The following PTPRG variants were observed in gnomAD, a reference collection of about 807,000 sequenced individuals.
The protein encoded by PTPRG is protein tyrosine phosphatase receptor type G.
In PTPRG, 102 loss-of-function variants were observed where a neutral mutation model predicts 165.3. The ratio of observed to expected loss-of-function variants is 0.62; its 90% CI spans 0.53 to 0.73. The LOEUF (loss-of-function observed/expected upper bound fraction) is 0.73, where lower values mean the gene tolerates loss of function less well. Ranked by LOEUF, PTPRG falls within the 30% of genes least tolerant of loss-of-function variation. The pLI is 0.00. For synonymous variants in PTPRG, 675 were observed against 669.5 expected (o/e 1.01, Z -0.13); for missense variants, 1,866 against 1,861.4 (o/e 1.00, Z -0.05).
rs957469494 is a variant in PTPRG, at chr3:61,653,238, A to T, written c.85+90866A>T. Among the ~76,000 whole-genome samples, 3 of 152,212 alleles carry T rather than the reference A, an allele frequency of 2.0e-5. No individual in the cohort carries two copies. The South Asian group carries it at 6.2e-4, about 32-fold the overall frequency. On this transcript the variant is annotated intron_variant, in intron 1 of 29. Coordinates refer to ENST00000474889, the MANE Select transcript of PTPRG (RefSeq NM_002841.4). ...TATTGTACATATAGGGTTAGTCAAG[A>T]CATCCTGTCTGTGACTGATGTTATG...
At chr3:61,668,599 CAG>C (rs1415090831) in intron 1 of PTPRG, among the ~76,000 whole-genome samples, 1 of 152,094 alleles carries the variant, frequency 6.6e-6, no homozygotes, top group Non-Finnish European at 1.5e-5. Flanking sequence ...TTTGTTAAAT[CAG>C]AAATTATGCA....
chr3:61,662,996 A>C (rs1702708902), intron 1 of PTPRG, among the ~76,000 whole-genome samples: 1 of 152,122 alleles, frequency 6.6e-6, no homozygotes, highest in Non-Finnish European at 1.5e-5. Context: ...ACCATTGAAA[A>C]GAGCAGGCCA....
intron 1 of PTPRG, chr3:61,659,481 A>G: frequency 3.1e-6 from 3 of 978,474 alleles, no homozygotes; most frequent in Non-Finnish European, 2.4e-6. Context: ...CAGGAAGGAG[A>G]GTCAGAAGAG....
chr3:61,709,180 G>T (rs1055475827), intron 1 of PTPRG, among the ~76,000 whole-genome samples: 1 of 152,194 alleles, frequency 6.6e-6, no homozygotes, highest in African/African-American at 2.4e-5. Flanking sequence ...TGCCTACTGG[G>T]GATACAGCTG....
At chr3:61,738,454 TAGG>T (rs2032847868) in intron 1 of PTPRG, among the ~76,000 whole-genome samples, 1 of 151,290 alleles carries the variant, frequency 6.6e-6, no homozygotes, top group South Asian at 2.1e-4. Flanking sequence ...ATACCAAAGT[TAGG>T]TGACATAGTT....
At chr3:61,755,403 C>T (rs941787543) in intron 2 of PTPRG, among the ~76,000 whole-genome samples, 5 of 152,218 alleles carry the variant, frequency 3.3e-5, no homozygotes, top group African/African-American at 1.2e-4. Flanking sequence ...GCTCCCTGTG[C>T]CTTGGTGCTT....
intron 2 of PTPRG, among the ~76,000 whole-genome samples, chr3:61,845,864 T>C (rs938514462): frequency 6.8e-6 from 1 of 147,020 alleles, no homozygotes; most frequent in African/African-American, 2.5e-5. Flanking sequence ...TCCTATTCTT[T>C]TGTGTTTTTA....
intron 2 of PTPRG, among the ~76,000 whole-genome samples, chr3:61,902,585 T>C (rs1022109771): frequency 6.6e-6 from 1 of 152,148 alleles, no homozygotes; most frequent in Non-Finnish European, 1.5e-5. Flanking sequence ...ATTTCAGAGA[T>C]AAAAGATGTA....
At chr3:61,973,473 T>C (rs1003067649) in intron 2 of PTPRG, among the ~76,000 whole-genome samples, 4 of 152,176 alleles carry the variant, frequency 2.6e-5, no homozygotes, top group African/African-American at 9.7e-5. Context: ...GGATCTTAAC[T>C]TCAGTTTCCT....
At chr3:61,886,318 A>G (rs1418720278) in intron 2 of PTPRG, among the ~76,000 whole-genome samples, 1 of 152,106 alleles carries the variant, frequency 6.6e-6, no homozygotes, top group Admixed American at 6.6e-5. Flanking sequence ...TTGAGGAGAC[A>G]CACAAAAGTA....
At chr3:61,648,617 A>ATTC in intron 1 of PTPRG, among the ~76,000 whole-genome samples, 2 of 152,208 alleles carry the variant, frequency 1.3e-5, no homozygotes, top group African/African-American at 4.8e-5. Flanking sequence ...CACCAAGGGA[A>ATTC]CGTCTAATGC....
intron 2 of PTPRG, among the ~76,000 whole-genome samples, chr3:61,900,878 G>C (rs559079029): frequency 6.6e-6 from 1 of 152,254 alleles, no homozygotes; most frequent in South Asian, 2.1e-4. Flanking sequence ...TCCCGCTGTG[G>C]TTTTAGGCAA....
At chr3:61,882,036 C>G (rs968392726) in intron 2 of PTPRG, among the ~76,000 whole-genome samples, 1 of 152,150 alleles carries the variant, frequency 6.6e-6, no homozygotes, top group Admixed American at 6.6e-5. Flanking sequence ...GAAGGGAGTT[C>G]TACATTTGAT....
chr3:61,781,789 G>A (rs1044656112), intron 2 of PTPRG, among the ~76,000 whole-genome samples: 8 of 151,638 alleles, frequency 5.3e-5, no homozygotes, highest in Non-Finnish European at 1.0e-4. Context: ...GTGCAGTGGC[G>A]AGATCATAGC....
chr3:61,878,704 A>T (rs1247186794), intron 2 of PTPRG, among the ~76,000 whole-genome samples: 1 of 151,858 alleles, frequency 6.6e-6, no homozygotes, highest in Non-Finnish European at 1.5e-5. Flanking sequence ...AGGTCTTACT[A>T]TGTTGCCCGG....
chr3:61,718,309 T>G (rs549784697), intron 1 of PTPRG, among the ~76,000 whole-genome samples: 1 of 152,300 alleles, frequency 6.6e-6, no homozygotes, highest in African/African-American at 2.4e-5. Context: ...TGCTTTAGTT[T>G]TAAAAATTCA....
intron 2 of PTPRG, among the ~76,000 whole-genome samples, chr3:61,920,864 A>C (rs2039060919): frequency 6.6e-6 from 1 of 152,206 alleles, no homozygotes; most frequent in South Asian, 2.1e-4. Context: ...GGAAATACTT[A>C]AAAAATTTAA....
Position 62,273,097 on chromosome 3 carries a change from C to G in PTPRG, c.3318+16C>G. On this transcript the variant is annotated intron_variant, in intron 22 of 29. Coordinates refer to ENST00000474889, the MANE Select transcript of PTPRG (RefSeq NM_002841.4). This position sits in a 1 kb window ranked among gnomAD's most constrained non-coding sequence, Gnocchi z 4.1. ...CCAGACTGAGGTAAGGAGTAGCTGC[C>G]AGCGTCCTCACGACATTCTGGCAAA... The G allele has an allele frequency of 6.3e-7, 1 of 1,595,376 alleles. No individual in the cohort carries two copies. Among genetic ancestry groups the G allele is most frequent in the East Asian group, 2.2e-5 (1 of 44,634 alleles).
chr3:61,759,782 A>G (rs1371278964), intron 2 of PTPRG, among the ~76,000 whole-genome samples: 1 of 152,010 alleles, frequency 6.6e-6, no homozygotes, highest in Non-Finnish European at 1.5e-5. Context: ...CACATAATAA[A>G]GTCATTTCTT....
Sources: gnomAD v4.1 joint callset for allele counts (sites outside exome capture counted in the v4.1 genomes callset) on GRCh38, gnomAD v4.1.1 for gene constraint, Gnocchi (gnomAD v3.1) non-coding constraint, MANE v1.5 for transcripts, NCBI Gene and HGNC (gene_info 2026-07-23, HGNC 2026-07-21) for gene names.